Variants in KATNAL2 observed in about 807,000 individuals in gnomAD.
KATNAL2 encodes katanin catalytic subunit A1 like 2.
A neutral mutation model predicts 76.3 loss-of-function variants in KATNAL2; 52 were observed. The ratio of observed to expected loss-of-function variants is 0.68; its 90% CI spans 0.55 to 0.86. The LOEUF (loss-of-function observed/expected upper bound fraction) is 0.86. Among genes scored for constraint, KATNAL2 ranks in the 40% least tolerant of loss-of-function variants. The probability of loss-of-function intolerance (pLI) is 0.00; values close to 1 mark genes in which losing one functional copy is unlikely to be tolerated. For synonymous variants in KATNAL2, 243 were observed against 244.2 expected, an observed-to-expected ratio of 1.00 and a Z score of 0.05; for missense variants, 660 against 668.9, an observed-to-expected ratio of 0.99 and a Z score of 0.15.
At chr18:46,942,907 G>A (rs970335386) in intron 1 of KATNAL2, among the ~76,000 whole-genome samples, 1 of 151,464 alleles carries the variant, frequency 6.6e-6, no homozygotes, top group African/African-American at 2.4e-5. Flanking sequence ...CCTAAATTTT[G>A]TTTTCTTCCT....
chr18:46,922,669 T>C (rs2088537330), intron 1 of KATNAL2, among the ~76,000 whole-genome samples: 2 of 151,670 alleles, frequency 1.3e-5, no homozygotes, highest in South Asian at 4.1e-4. Context: ...TGGTGGTGCA[T>C]GCCTGTAATC....
intron 3 of KATNAL2, among the ~76,000 whole-genome samples, chr18:46,959,180 TA>T (rs1338330286): frequency 6.6e-6 from 1 of 152,246 alleles, no homozygotes; most frequent in African/African-American, 2.4e-5. Context: ...CCAATAGCTA[TA>T]AAAAATGTGC....
rs770901509 is a variant in KATNAL2, at chr18:47,099,393, T to C, written c.1362T>C (p.Ser454=). ...ALELHTELEY[S]VLSQETEGYS... The stretch of plus-strand genomic sequence containing the variant: ...AGCTGCACACAGAGCTGGAGTACAG[T>C]GTGCTGAGCCAGGTCAGCTGCCCTG... Residue 454 remains serine (S), a synonymous_variant, in exon 16 of 18, where the codon AGT becomes AGC. Coordinates refer to ENST00000683218, the MANE Select transcript of KATNAL2 (RefSeq NM_001387690.1). The C allele has an allele frequency of 1.9e-5, 31 of 1,611,278 alleles. No homozygotes were observed. The Admixed American group carries it at 2.2e-4, about 11-fold the overall frequency.
At chr18:47,044,893 A>G (rs2061103138) in intron 3 of KATNAL2, among the ~76,000 whole-genome samples, 1 of 152,172 alleles carries the variant, frequency 6.6e-6, no homozygotes, top group Non-Finnish European at 1.5e-5. Flanking sequence ...AGAACAACTT[A>G]GCCAACATTG....
Position 47,046,426 on chromosome 18 carries a change from G to T in KATNAL2, c.52-31G>T, listed in dbSNP as rs550492185. On this transcript the variant is annotated intron_variant, in intron 3 of 17. Coordinates refer to ENST00000683218, the MANE Select transcript of KATNAL2 (RefSeq NM_001387690.1). Reference sequence around the variant, plus strand: ...CGTAGGAGCAGTGTTATTTTTTGTTGTCATCCTACCTAAATTTTCCTCTGT... The same window carrying T: ...CGTAGGAGCAGTGTTATTTTTTGTTTTCATCCTACCTAAATTTTCCTCTGT... 6.1e-6 allele frequency: 9 copies of T among 1,476,772 alleles called. No homozygotes were observed. The African/African-American group carries it at 9.8e-5, about 16-fold the overall frequency. The allele number at this position is 1,476,772 out of a possible 1,614,324, so 91.5% of individuals were successfully genotyped here. A position where few individuals can be genotyped will look rare whatever the true frequency, so the allele number is the denominator to read the frequency against.
At chr18:47,052,476 G>A (rs146225104) in intron 4 of KATNAL2, among the ~76,000 whole-genome samples, 1 of 152,224 alleles carries the variant, frequency 6.6e-6, no homozygotes, top group African/African-American at 2.4e-5. Context: ...TTATCATTTT[G>A]CCAAATGTTA....
At chr18:47,035,172 C>A (rs536252584) in intron 3 of KATNAL2, 1 of 1,612,234 alleles carries the variant, frequency 6.2e-7, no homozygotes, top group Admixed American at 1.7e-5. Context: ...AGAGTTTCTG[C>A]AAATATTTCT....
At chr18:47,082,826 C>A (rs977809509) in intron 15 of KATNAL2, among the ~76,000 whole-genome samples, 1 of 152,164 alleles carries the variant, frequency 6.6e-6, no homozygotes, top group African/African-American at 2.4e-5. Flanking sequence ...GGTCAAAGGG[C>A]TAATGTGCAT....
chr18:47,041,780 A>G (rs892200179), intron 3 of KATNAL2, among the ~76,000 whole-genome samples: 1 of 151,870 alleles, frequency 6.6e-6, no homozygotes, highest in Admixed American at 6.6e-5. Context: ...CTTTACTTTA[A>G]AAAAACCTGC....
chr18:47,039,458 G>C (rs1376130013), intron 3 of KATNAL2, among the ~76,000 whole-genome samples: 1 of 152,042 alleles, frequency 6.6e-6, no homozygotes, highest in South Asian at 2.1e-4. Flanking sequence ...GTTTCTTCCA[G>C]GATCTTTTTT....
In KATNAL2 at chr18:47,054,414, AAAG is replaced by A. The variant is rs1335934895; in HGVS notation, c.312_314del (p.Arg104del). ...GTCACAGCAGAAAATAATTTACCGCAAAGAAGTAGAGGGAAGACCAGAAGGTAA... is the reference window on the plus strand; with the variant it reads ...GTCACAGCAGAAAATAATTTACCGCAAAGTAGAGGGAAGACCAGAAGGTAA... On this transcript the variant is annotated inframe_deletion, in exon 6 of 18. Coordinates refer to ENST00000683218, the MANE Select transcript of KATNAL2 (RefSeq NM_001387690.1). The A allele has an allele frequency of 6.2e-7, 1 of 1,613,800 alleles. No individual in the cohort carries two copies. The highest frequency in any genetic ancestry group is 1.1e-5 in the South Asian group (1 of 91,062).
chr18:47,039,381 TC>T (rs2060885171), intron 3 of KATNAL2, among the ~76,000 whole-genome samples: 1 of 152,130 alleles, frequency 6.6e-6, no homozygotes, highest in African/African-American at 2.4e-5. Context: ...TTACCTGCCA[TC>T]CCCTCCACCC....
chr18:46,935,752 C>G (rs1036299992), intron 1 of KATNAL2, among the ~76,000 whole-genome samples: 1 of 152,068 alleles, frequency 6.6e-6, no homozygotes, highest in African/African-American at 2.4e-5. Context: ...CCCATCTCTA[C>G]TAAAAATACA....
chr18:47,082,423 T>A (rs1362564284), intron 15 of KATNAL2, among the ~76,000 whole-genome samples: 1 of 152,168 alleles, frequency 6.6e-6, no homozygotes, highest in Non-Finnish European at 1.5e-5. Flanking sequence ...ATCTAAGGAT[T>A]TGATAAACAT....
chr18:46,928,560 G>C (rs918861967), intron 1 of KATNAL2, among the ~76,000 whole-genome samples: 4 of 152,164 alleles, frequency 2.6e-5, no homozygotes, highest in African/African-American at 9.7e-5. Flanking sequence ...CAGTGTGCCT[G>C]ATTTCAGATC....
rs1364541841 is a variant in KATNAL2, at chr18:46,946,863, A to G, written c.-10A>G. ...TTTCTCCCTTCTCTAGGGTCCTAGCACAGTGTCTGATGGAGCTTTCCTACC... is the reference window on the plus strand; with the variant it reads ...TTTCTCCCTTCTCTAGGGTCCTAGCGCAGTGTCTGATGGAGCTTTCCTACC... On this transcript the variant is annotated 5_prime_UTR_variant, in exon 3 of 18. Coordinates refer to ENST00000683218, the MANE Select transcript of KATNAL2 (RefSeq NM_001387690.1). 6.5e-7 allele frequency: 1 copy of G among 1,535,652 alleles called. No individual in the cohort carries two copies. The highest frequency in any genetic ancestry group is 8.7e-7 in the Non-Finnish European group (1 of 1,146,670).
Position 47,099,304 on chromosome 18 carries a change from C to T in KATNAL2, c.1273C>T (p.Arg425Trp), listed in dbSNP as rs374926522. 1.3e-5 allele frequency: 21 copies of T among 1,614,010 alleles called. No homozygotes were observed. Among genetic ancestry groups the T allele is most frequent in the South Asian group, 2.2e-5 (2 of 91,080 alleles). ...GAGGATTCTGGTCGATCTCCCCAGC[C>T]GGGAGGCCAGGCAGGCCATGATCTA... ...EKRILVDLPS[R>W]EARQAMIYHW... The change falls in exon 16 of 18, where the codon CGG (arginine) becomes TGG (tryptophan). Residue 425 changes from arginine (R) to tryptophan (W), a missense_variant. Arg to Trp is a moderately radical substitution (Grantham distance 101). Transcript: ENST00000683218.
chr18:47,043,586 A>T (rs2061047914), intron 3 of KATNAL2, among the ~76,000 whole-genome samples: 1 of 152,182 alleles, frequency 6.6e-6, no homozygotes, highest in African/African-American at 2.4e-5. Flanking sequence ...ATGCAAGAAA[A>T]TGTCAAAGGG....
chr18:46,923,068 TTTA>T (rs2058620015), intron 1 of KATNAL2, among the ~76,000 whole-genome samples: 2 of 150,258 alleles, frequency 1.3e-5, no homozygotes, highest in African/African-American at 2.4e-5. Context: ...TTTTTTTAAT[TTTA>T]TTATTATTAT....
Sources: allele counts gnomAD v4.1 joint callset (sites outside exome capture counted in the v4.1 genomes callset), GRCh38; gene constraint gnomAD v4.1.1; transcripts MANE v1.5; gene names NCBI Gene and HGNC (gene_info 2026-07-23, HGNC 2026-07-21).